The following ULK4 variants were observed in gnomAD, a reference collection of about 807,000 sequenced individuals.
ULK4 encodes the protein inactive serine/threonine-protein kinase ULK4.
A neutral mutation model predicts 160.6 loss-of-function variants in ULK4; 133 were observed. The observed-to-expected ratio is 0.83, with a 90% CI of 0.72 to 0.96. The LOEUF (loss-of-function observed/expected upper bound fraction) is 0.96, where lower values mean the gene tolerates loss of function less well. Ranked by LOEUF, ULK4 falls within the 40% of genes least tolerant of loss-of-function variation. The pLI is 0.00. For synonymous variants in ULK4, 534 were observed against 539.8 expected (o/e 0.99, Z 0.15); for missense variants, 1,580 against 1,499.5 (o/e 1.05, Z -0.89).
chr3:41,551,202 C>A (rs1302304584), intron 32 of ULK4, among the ~76,000 whole-genome samples: 4 of 151,424 alleles, frequency 2.6e-5, no homozygotes, highest in Non-Finnish European at 5.9e-5. Flanking sequence ...TTCACATAAA[C>A]AATCTAAAAA....
At chr3:41,949,856 C>A (rs1228291848) in intron 2 of ULK4, among the ~76,000 whole-genome samples, 1 of 151,844 alleles carries the variant, frequency 6.6e-6, no homozygotes, top group Admixed American at 6.6e-5. Context: ...CCTGTCTCAA[C>A]CTCCCAAGTA....
intron 32 of ULK4, among the ~76,000 whole-genome samples, chr3:41,471,812 T>C (rs1390053440): frequency 2.7e-4 from 41 of 150,952 alleles, no homozygotes; most frequent in Admixed American, 2.7e-3. Flanking sequence ...CAAATGAAAA[T>C]GGAGATACAA....
intron 35 of ULK4, among the ~76,000 whole-genome samples, chr3:41,298,870 C>T (rs2079725285): frequency 6.6e-6 from 1 of 152,188 alleles, no homozygotes; most frequent in Non-Finnish European, 1.5e-5. Flanking sequence ...AATGCCTGAA[C>T]TCTTTAAAGG....
At chr3:41,813,715 T>A (rs966563135) in intron 19 of ULK4, among the ~76,000 whole-genome samples, 1 of 152,248 alleles carries the variant, frequency 6.6e-6, no homozygotes, top group Non-Finnish European at 1.5e-5. Context: ...TATCCTACAG[T>A]CTAAATTTCT....
intron 35 of ULK4, among the ~76,000 whole-genome samples, chr3:41,391,111 T>G (rs912801355): frequency 2.6e-5 from 4 of 152,146 alleles, no homozygotes; most frequent in Non-Finnish European, 5.9e-5. Flanking sequence ...GGTCCATTCA[T>G]GTTTCTTTTC....
chr3:41,901,917 A>G (rs1475376119), intron 12 of ULK4, among the ~76,000 whole-genome samples: 2 of 152,236 alleles, frequency 1.3e-5, no homozygotes, highest in Non-Finnish European at 2.9e-5. Context: ...TTAAACCTCA[A>G]TTATTTATTA....
chr3:41,903,559 G>C (rs1386161659), intron 12 of ULK4, among the ~76,000 whole-genome samples: 1 of 149,242 alleles, frequency 6.7e-6, no homozygotes, highest in African/African-American at 2.5e-5. Context: ...ACTCCAGTCT[G>C]GGCAAACAGA....
intron 32 of ULK4, among the ~76,000 whole-genome samples, chr3:41,541,793 G>C (rs1437015236): frequency 6.6e-6 from 1 of 152,124 alleles, no homozygotes; most frequent in Non-Finnish European, 1.5e-5. Context: ...TGTAGCAATT[G>C]TGAATGGGAG....
intron 32 of ULK4, among the ~76,000 whole-genome samples, chr3:41,550,442 T>C (rs1035121685): frequency 1.3e-5 from 2 of 151,254 alleles, no homozygotes; most frequent in African/African-American, 4.9e-5. Flanking sequence ...TATGGAAAAA[T>C]ATATCTCACG....
intron 34 of ULK4, among the ~76,000 whole-genome samples, chr3:41,409,157 G>T (rs2125825569): frequency 6.6e-6 from 1 of 152,264 alleles, no homozygotes; most frequent in East Asian, 1.9e-4. Flanking sequence ...TCAGGAGGCT[G>T]ACGTGAGAGG....
chr3:41,805,745 G>A (rs1348030306), intron 19 of ULK4, among the ~76,000 whole-genome samples: 3 of 150,724 alleles, frequency 2.0e-5, no homozygotes, highest in Non-Finnish European at 4.4e-5. Context: ...AGATAATCAT[G>A]TGGTTTTTGT....
At chr3:41,297,913 G>A (rs942077125) in intron 35 of ULK4, among the ~76,000 whole-genome samples, 32 of 152,110 alleles carry the variant, frequency 2.1e-4, no homozygotes, top group African/African-American at 7.5e-4. Context: ...TGCTTTCCTG[G>A]CAATGTTACA....
intron 32 of ULK4, among the ~76,000 whole-genome samples, chr3:41,545,514 TA>T (rs1266589967): frequency 6.6e-6 from 1 of 152,228 alleles, no homozygotes; most frequent in Non-Finnish European, 1.5e-5. Context: ...TATTATTCAT[TA>T]CCCTTTATGT....
At chr3:41,640,473 G>C (rs982147434) in intron 30 of ULK4, among the ~76,000 whole-genome samples, 1 of 152,104 alleles carries the variant, frequency 6.6e-6, no homozygotes, top group African/African-American at 2.4e-5. Flanking sequence ...CTCTCGTTTT[G>C]CCTAGTGTCC....
intron 30 of ULK4, among the ~76,000 whole-genome samples, chr3:41,662,927 A>T (rs757268775): frequency 8.5e-5 from 13 of 152,082 alleles, no homozygotes; most frequent in African/African-American, 1.2e-4. Context: ...AAATAAAAAA[A>T]AAAAGTATGT....
chr3:41,603,212 A>G (rs867985488), intron 31 of ULK4, among the ~76,000 whole-genome samples: 1 of 152,128 alleles, frequency 6.6e-6, no homozygotes, highest in Non-Finnish European at 1.5e-5. Flanking sequence ...GAGGGAGGAA[A>G]TTAACAGGAA....
intron 21 of ULK4, among the ~76,000 whole-genome samples, chr3:41,773,174 CCT>C (rs2039464781): frequency 6.6e-6 from 1 of 152,058 alleles, no homozygotes; most frequent in African/African-American, 2.4e-5. Flanking sequence ...ACAGGGATGC[CCT>C]CTCTCACCAC....
At chr3:41,348,923 T>G (rs2080857975) in intron 35 of ULK4, among the ~76,000 whole-genome samples, 1 of 152,178 alleles carries the variant, frequency 6.6e-6, no homozygotes, top group Non-Finnish European at 1.5e-5. Flanking sequence ...AGTGAATGTC[T>G]TCTGTAATGT....
At chr3:41,424,345 G>A (rs1005112340) in intron 34 of ULK4, among the ~76,000 whole-genome samples, 23 of 152,254 alleles carry the variant, frequency 1.5e-4, no homozygotes, top group Non-Finnish European at 7.4e-5. Flanking sequence ...TCCTCCTGCT[G>A]GCTCTGAGGA....
Sources: allele counts gnomAD v4.1 joint callset (sites outside exome capture counted in the v4.1 genomes callset), GRCh38; gene constraint gnomAD v4.1.1; transcripts MANE v1.5; gene names NCBI Gene and HGNC (gene_info 2026-07-23, HGNC 2026-07-21).